Variants in MUC3A observed in about 807,000 individuals in gnomAD.
MUC3A encodes the protein mucin-3A.
Under a neutral mutation model 109.0 loss-of-function variants are expected in MUC3A, and 109 were observed. The ratio of observed to expected loss-of-function variants is 1.00; its 90% CI spans 0.86 to 1.17. The LOEUF (loss-of-function observed/expected upper bound fraction) is 1.17, where lower values mean the gene tolerates loss of function less well. Ranked by LOEUF, MUC3A falls within the 50% of genes most tolerant of loss-of-function variation. The pLI is 0.00. For missense variants in MUC3A, 3,537 were observed against 2,469.4 expected (o/e 1.43, Z -9.16); for synonymous variants, 1,398 against 981.4 (o/e 1.42, Z -7.93).
Position 100,957,254 on chromosome 7 carries a change from A to C in MUC3A, c.5475A>C (p.Thr1825=). 1 of 497,702 alleles carries C rather than the reference A, an allele frequency of 2.0e-6. No homozygotes were observed. 30.8% of individuals were successfully genotyped at this position (497,702 alleles called of 1,614,324 possible). Residue 1825 remains threonine (T), a synonymous_variant, in exon 2 of 12, where the codon ACA becomes ACC. Coordinates refer to ENST00000379458, the MANE Select transcript of MUC3A (RefSeq NM_005960.2). The part of the protein sequence containing the change: ...NTTPLSTLVT[T]FSNSDTSSTP... ...CCCCTCTATCTACATTGGTGACCAC[A>C]TTCTCCAATTCCGACACCAGTTCTA...
chr7:100,966,124 C>A (rs796492001), intron 8 of MUC3A: 2 of 528,774 alleles, frequency 3.8e-6, no homozygotes, highest in African/African-American at 3.9e-5. Flanking sequence ...GGCCCCGCCT[C>A]CTCGTTCTAG....
chr7:100,963,820 A>C (rs1238392962), intron 5 of MUC3A, 68 bp downstream of exon 5: 1 of 1,589,090 alleles, frequency 6.3e-7, no homozygotes, highest in Admixed American at 1.7e-5. Flanking sequence ...CAAAAAACCC[A>C]TTCCTTTCTT....
In MUC3A at chr7:100,965,700, C is replaced by T; in HGVS notation, c.9449-4C>T. 3 of 1,596,188 alleles carry T rather than the reference C, an allele frequency of 1.9e-6. No homozygotes were observed. The highest frequency in any genetic ancestry group is 3.3e-5 in the Admixed American group (2 of 59,834). On this transcript the variant is annotated splice_region_variant and splice_polypyrimidine_tract_variant and intron_variant, in intron 7 of 11. Coordinates refer to ENST00000379458, the MANE Select transcript of MUC3A (RefSeq NM_005960.2). ...CTCTGTGCATCCCCCTCCCCAACCC[C>T]CAGCCATCTGCCGCCGCGCCGCTCC...
chr7:100,964,033 GC>G, intron 5 of MUC3A: 1 of 593,478 alleles, frequency 1.7e-6, no homozygotes, highest in Non-Finnish European at 3.0e-6. Flanking sequence ...CCTCTGGCTG[GC>G]CCCTGCTCTA....
At position 100,960,788 on chromosome 7, in the gene MUC3A, A is replaced by C; in HGVS notation, c.8903A>C (p.Gln2968Pro). The change falls in exon 3 of 12, where the codon CAG becomes CCG. Residue 2968 changes from glutamine (Q) to proline (P), a missense_variant. By Grantham distance (76) the Gln-to-Pro change is moderately conservative. Transcript: ENST00000379458. ...AATGGTGGCACCTGGGAACAGGGCC[A>C]GTGTGCTTGCCTTCCGGGGTTTTCT... The part of the protein sequence containing the change: ...CDNGGTWEQG[Q>P]CACLPGFSGD... The C allele has an allele frequency of 1.9e-6, 3 of 1,598,508 alleles. No individual in the cohort carries two copies. The highest frequency in any genetic ancestry group is 2.5e-6 in the Non-Finnish European group (3 of 1,179,804).
chr7:100,964,932 C>G (rs1260806039), intron 6 of MUC3A, 89 bp downstream of exon 6: 9 of 1,487,682 alleles, frequency 6.0e-6, no homozygotes, highest in Non-Finnish European at 8.0e-6. Flanking sequence ...GCTCAGGTGC[C>G]AGCCCTGTGG....
At position 100,952,865 on chromosome 7, in the gene MUC3A, C is replaced by G. The variant is rs74715834; in HGVS notation, c.1086C>G (p.Ser362=). ...CCACAAGTATGACAGGTACATTGTC[C>G]ACAGAGACTTCTCTCCCACCCACCT... The part of the protein sequence containing the change: ...AYSTSMTGTL[S]TETSLPPTSS... Residue 362 remains serine (S), a synonymous_variant, in exon 2 of 12, where the codon TCC becomes TCG. Coordinates refer to ENST00000379458, the MANE Select transcript of MUC3A (RefSeq NM_005960.2). The G allele has an allele frequency of 6.8e-7, 1 of 1,470,094 alleles. No individual in the cohort carries two copies. Among genetic ancestry groups the G allele is most frequent in the South Asian group, 1.3e-5 (1 of 75,854 alleles). The allele number at this position is 1,470,094 out of a possible 1,614,324, so 91.1% of individuals were successfully genotyped here.
Position 100,957,675 on chromosome 7 carries a change from G to A in MUC3A, c.5896G>A (p.Glu1966Lys), listed in dbSNP as rs1470576244. 1.3e-5 allele frequency: 16 copies of A among 1,261,000 alleles called. No homozygotes were observed. The highest frequency in any genetic ancestry group is 8.2e-6 in the Non-Finnish European group (8 of 980,958). The allele number at this position is 1,261,000 out of a possible 1,614,324, so 78.1% of individuals were successfully genotyped here. ...PSFTSSITTT[E>K]TTSHNTPSLT... The stretch of plus-strand genomic sequence containing the variant: ...CTTCACTTCTTCGATCACCACCACC[G>A]AGACCACATCCCACAATACTCCCAG... The change falls in exon 2 of 12, where the codon GAG becomes AAG. Residue 1966 changes from glutamate (E) to lysine (K), a missense_variant. By Grantham distance (56) the Glu-to-Lys change is moderately conservative. Coordinates refer to ENST00000379458, the MANE Select transcript of MUC3A (RefSeq NM_005960.2).
At chr7:100,963,326 C>A in intron 4 of MUC3A, 60 bp downstream of exon 4, 2 of 1,162,864 alleles carry the variant, frequency 1.7e-6, no homozygotes, top group Non-Finnish European at 2.4e-6. Context: ...CGCACTCTCA[C>A]CCTGGCTGGA....
In MUC3A at chr7:100,953,861, C is replaced by G; in HGVS notation, c.2082C>G (p.Thr694=). ...CAATCCCTCCATCTATCTTGGTGAC[C>G]ACACTCCCCACTCCAAATGCTTCAT... ...INTIPPSILV[T]TLPTPNASSM... The change falls in exon 2 of 12, where the codon ACC becomes ACG. Residue 694 remains threonine (T), a synonymous_variant. Coordinates refer to ENST00000379458, the MANE Select transcript of MUC3A (RefSeq NM_005960.2). The G allele has an allele frequency of 2.3e-6, 1 of 438,960 alleles. No individual in the cohort carries two copies. The allele number at this position is 438,960 out of a possible 1,614,324, so 27.2% of individuals were successfully genotyped here.
chr7:100,953,552 A>G lies in MUC3A; in HGVS notation c.1773A>G (p.Ala591=). 4.5e-6 allele frequency: 2 copies of G among 441,946 alleles called. No individual in the cohort carries two copies. Among genetic ancestry groups the G allele is most frequent in the East Asian group, 3.4e-5 (1 of 29,054 alleles). The allele number at this position is 441,946 out of a possible 1,614,324, so 27.4% of individuals were successfully genotyped here. The change falls in exon 2 of 12, where the codon GCA becomes GCG. Residue 591 remains alanine (A), a synonymous_variant. Coordinates refer to ENST00000379458, the MANE Select transcript of MUC3A (RefSeq NM_005960.2). ...CTATGGAACCACCTTCAACCACTGC[A>G]GCAACTACAGGAACAGGTCAGACCA... is the stretch of plus-strand genomic sequence containing the variant. ...STTMEPPSTT[A]ATTGTGQTTF... is the part of the protein sequence containing the mutation.
At position 100,967,702 on chromosome 7, in the gene MUC3A, T is replaced by C; in HGVS notation, c.*540T>C. On this transcript the variant is annotated 3_prime_UTR_variant, in exon 12 of 12. Coordinates refer to ENST00000379458, the MANE Select transcript of MUC3A (RefSeq NM_005960.2). ...CTGATCTAACTCCCTGCTGCATCTC[T>C]TGCTCTCATTCCTTAGACGTCCTCC... The C allele has an allele frequency of 4.9e-6, 1 of 204,012 alleles. No homozygotes were observed. The highest frequency in any genetic ancestry group is 1.0e-5 in the Non-Finnish European group (1 of 99,840). 12.6% of individuals were successfully genotyped at this position (204,012 alleles called of 1,614,324 possible).
At position 100,959,173 on chromosome 7, in the gene MUC3A, C is replaced by T. The variant is rs1167575532; in HGVS notation, c.7394C>T (p.Thr2465Ile). ...STTAITSHFT[T>I]SETAVTPTPV... is the part of the protein sequence containing the mutation. Reference sequence around the variant, plus strand: ...ACTGCCATCACCTCACATTTTACTACCTCAGAGACTGCGGTGACTCCCACA... The same window carrying T: ...ACTGCCATCACCTCACATTTTACTATCTCAGAGACTGCGGTGACTCCCACA... Residue 2465 changes from threonine to isoleucine, a missense_variant, in exon 2 of 12, where the codon ACC becomes ATC. Coordinates refer to ENST00000379458, the MANE Select transcript of MUC3A (RefSeq NM_005960.2). 3 of 1,598,328 alleles carry T rather than the reference C, an allele frequency of 1.9e-6. No homozygotes were observed. The highest frequency in any genetic ancestry group is 2.2e-5 in the East Asian group (1 of 44,904).
chr7:100,964,816 G>C lies in MUC3A; in HGVS notation c.9355G>C (p.Asp3119His). 1 of 1,598,204 alleles carries C rather than the reference G, an allele frequency of 6.3e-7. No individual in the cohort carries two copies. ...LKEGLQNASQ[D>H]VNSCQDSQTL... ...GGAGGGGCTGCAGAACGCCAGCCAG[G>C]ATGTGAACAGCTGCCAGGACTCCCA... The change falls in exon 6 of 12, where the codon GAT becomes CAT. Residue 3119 changes from aspartate (D) to histidine (H), a missense_variant. Physicochemically the swap from Asp to His is moderately conservative, Grantham distance 81 (BLOSUM62 -1). Transcript: ENST00000379458.
rs1036957632 is a variant in MUC3A, at chr7:100,957,060, C to T, written c.5281C>T (p.Pro1761Ser). 435 of 467,532 alleles carry T rather than the reference C, an allele frequency of 9.3e-4. No individual in the cohort carries two copies. The highest frequency in any genetic ancestry group is 1.4e-3 in the Non-Finnish European group (372 of 265,886). The allele number at this position is 467,532 out of a possible 1,614,324, so 29.0% of individuals were successfully genotyped here. ...TTTCAAAACAGCCGTGAGTTCTACT[C>T]CCCCCATCACTTCTTCAATCACCTC... ...GSFKTAVSST[P>S]PITSSITSTY... The change falls in exon 2 of 12, where the codon CCC (proline) becomes TCC (serine). Residue 1761 changes from proline to serine, a missense_variant. Physicochemically the swap from Pro to Ser is moderately conservative, Grantham distance 74. Coordinates refer to ENST00000379458, the MANE Select transcript of MUC3A (RefSeq NM_005960.2).
In MUC3A at chr7:100,967,616, G is replaced by C. The variant is rs1792652501; in HGVS notation, c.*454G>C. ...TCTTATTTTCTCTCAATTCCCTACT[G>C]CCTGTTTCTTACTTTGAACCTGGAG... On this transcript the variant is annotated 3_prime_UTR_variant, in exon 12 of 12. Coordinates refer to ENST00000379458, the MANE Select transcript of MUC3A (RefSeq NM_005960.2). 2 of 300,750 alleles carry C rather than the reference G, an allele frequency of 6.7e-6. No individual in the cohort carries two copies. Among genetic ancestry groups the C allele is most frequent in the Admixed American group, 9.4e-5 (2 of 21,352 alleles). 18.6% of individuals were successfully genotyped at this position (300,750 alleles called of 1,614,324 possible).
In MUC3A at chr7:100,958,355, T is replaced by A. The variant is rs1271593356; in HGVS notation, c.6576T>A (p.Asn2192Lys). ...GTACTCCCAGCTTCACTTCTTCAAA[T>A]ACCATCACTGAGACCACCTCACACA... ...SYSTPSFTSS[N>K]TITETTSHST... is the part of the protein sequence containing the mutation. The change falls in exon 2 of 12, where the codon AAT becomes AAA. Residue 2192 changes from asparagine (N) to lysine (K), a missense_variant. Coordinates refer to ENST00000379458, the MANE Select transcript of MUC3A (RefSeq NM_005960.2). 5.1e-5 allele frequency: 3 copies of A among 58,774 alleles called. No individual in the cohort carries two copies. The highest frequency in any genetic ancestry group is 2.2e-4 in the South Asian group (1 of 4,484). 3.6% of individuals were successfully genotyped at this position (58,774 alleles called of 1,614,324 possible).
In MUC3A at chr7:100,960,951, G is replaced by A. The variant is rs781063528; in HGVS notation, c.9052+14G>A. The A allele has an allele frequency of 2.5e-6, 4 of 1,598,538 alleles. No individual in the cohort carries two copies. The Admixed American group carries it at 5.0e-5, about 20-fold the overall frequency. ...AGGTGGATCTAGGTGAGTTGCCAGA[G>A]CTATGCCTTCTGCACTTCCTCCCAC... On this transcript the variant is annotated intron_variant, in intron 3 of 11. Transcript: ENST00000379458.
In MUC3A at chr7:100,959,452, C is replaced by G. The variant is rs1311490441; in HGVS notation, c.7673C>G (p.Thr2558Ser). ...MSTVRMTLRI[T>S]ENTPISSFST... ...ACTGTGAGAATGACCCTCAGAATTA[C>G]TGAGAACACCCCAATCAGTTCCTTT... Residue 2558 changes from threonine to serine, a missense_variant, in exon 2 of 12, where the codon ACT becomes AGT. Thr to Ser is a moderately conservative substitution (Grantham distance 58). Transcript: ENST00000379458. 2 of 1,560,252 alleles carry G rather than the reference C, an allele frequency of 1.3e-6. No individual in the cohort carries two copies. The highest frequency in any genetic ancestry group is 1.7e-6 in the Non-Finnish European group (2 of 1,163,856).
Sources: gnomAD v4.1 joint callset for allele counts on GRCh38, gnomAD v4.1.1 for gene constraint, MANE v1.5 for transcripts, NCBI Gene and HGNC (gene_info 2026-07-23, HGNC 2026-07-21) for gene names.